Variants in SYTL5 observed in about 807,000 individuals in gnomAD.
SYTL5 encodes the protein synaptotagmin-like protein 5.
Under a neutral mutation model 55.9 loss-of-function variants are expected in SYTL5, and 34 were observed. The ratio of observed to expected loss-of-function variants is 0.61; its 90% CI spans 0.46 to 0.81. The LOEUF (loss-of-function observed/expected upper bound fraction) is 0.81. Among genes scored for constraint, SYTL5 ranks in the 30% least tolerant of loss-of-function variants. The pLI is 0.00. For synonymous variants in SYTL5, 221 were observed against 188.7 expected, an observed-to-expected ratio of 1.17 and a Z score of -1.40; for missense variants, 637 against 546.7, an observed-to-expected ratio of 1.17 and a Z score of -1.65.
chrX:37,922,978 A>G, the SYTL5 span, among the ~76,000 whole-genome samples: 1 of 112,198 alleles, frequency 8.9e-6, no homozygotes. Context: ...AACCCAGCTA[A>G]CAGAAAGTTG....
chrX:37,905,049 G>A, the SYTL5 span, among the ~76,000 whole-genome samples: 2 of 110,922 alleles, frequency 1.8e-5, no homozygotes, highest in African/African-American at 6.6e-5. Context: ...GAATTCCCAT[G>A]CCATGTTTGC....
At chrX:37,943,079 T>C in the SYTL5 span, among the ~76,000 whole-genome samples, 1 of 112,141 alleles carries the variant, frequency 8.9e-6, no homozygotes, top group Admixed American at 9.5e-5. Context: ...AAAAGAGCTA[T>C]CTACCTCTGA....
intron 6 of SYTL5, among the ~76,000 whole-genome samples, chrX:38,085,940 T>C (rs1014435468): frequency 9.0e-6 from 1 of 110,963 alleles, no homozygotes; most frequent in African/African-American, 3.3e-5. Flanking sequence ...CCTATTAACC[T>C]CAATAGGGAA....
chrX:37,940,493 A>AC, the SYTL5 span, among the ~76,000 whole-genome samples: 1 of 106,147 alleles, frequency 9.4e-6, no homozygotes, highest in African/African-American at 3.4e-5. Flanking sequence ...AAAAAAAAAA[A>AC]AAAATCAAGG....
At chrX:37,919,329 C>G in the SYTL5 span, among the ~76,000 whole-genome samples, 2 of 111,549 alleles carry the variant, frequency 1.8e-5, no homozygotes, top group Admixed American at 1.9e-4. Context: ...TTACGTTGGA[C>G]ACTATAAACA....
chrX:38,092,587 T>C (rs1413335413), intron 7 of SYTL5, among the ~76,000 whole-genome samples: 1 of 111,323 alleles, frequency 9.0e-6, no homozygotes, highest in Admixed American at 9.5e-5. Flanking sequence ...TTCCCTGTTC[T>C]TTCGTGTGCT....
chrX:37,938,724 A>G, the SYTL5 span, among the ~76,000 whole-genome samples: 1 of 111,384 alleles, frequency 9.0e-6, no homozygotes, highest in Non-Finnish European at 1.9e-5. Context: ...TTGTAATGCC[A>G]AAATGCTTTA....
chrX:37,963,753 A>G, the SYTL5 span, among the ~76,000 whole-genome samples: 1 of 111,863 alleles, frequency 8.9e-6, no homozygotes, highest in Non-Finnish European at 1.9e-5. Context: ...TGCTTTTGCT[A>G]GGATTCCAGT....
At chrX:38,007,838 G>A (rs1163092813) in intron 1 of SYTL5, among the ~76,000 whole-genome samples, 2 of 111,403 alleles carry the variant, frequency 1.8e-5, no homozygotes, top group African/African-American at 6.5e-5. Flanking sequence ...TAATAACTGA[G>A]AAAATGTCTT....
In SYTL5 at chrX:38,128,263, A is replaced by T. The variant is rs1372669417; in HGVS notation, c.*1533A>T. On this transcript the variant is annotated 3_prime_UTR_variant, in exon 17 of 17. Coordinates refer to ENST00000297875, the MANE Select transcript of SYTL5 (RefSeq NM_138780.3). The stretch of plus-strand genomic sequence containing the variant: ...TGACTAAATCTGGACTTAAATCCAG[A>T]CTATCAATCTTAGGCCAGTGTTCTT... 1 of 112,067 alleles carries T rather than the reference A, an allele frequency of 8.9e-6. No homozygotes were observed. The highest frequency in any genetic ancestry group is 3.2e-5 in the African/African-American group (1 of 30,838). The allele number at this position is 112,067 out of a possible 1,213,427, so 9.2% of individuals were successfully genotyped here.
At chrX:37,919,351 C>G in the SYTL5 span, among the ~76,000 whole-genome samples, 1 of 111,592 alleles carries the variant, frequency 9.0e-6, no homozygotes, top group South Asian at 3.8e-4. Context: ...GGAGTTTGAC[C>G]TCATTTCACG....
chrX:38,071,189 G>A (rs1936253366), intron 3 of SYTL5, among the ~76,000 whole-genome samples: 1 of 111,696 alleles, frequency 9.0e-6, no homozygotes, highest in African/African-American at 3.3e-5. Context: ...AAATGAGAGG[G>A]TAGAAATAAT....
the SYTL5 span, among the ~76,000 whole-genome samples, chrX:37,997,087 A>G: frequency 8.9e-6 from 1 of 112,761 alleles, no homozygotes; most frequent in Non-Finnish European, 1.9e-5. Context: ...GGCTACAGTT[A>G]GATAGAAATA....
chrX:37,983,216 A>AT, the SYTL5 span, among the ~76,000 whole-genome samples: 2 of 111,941 alleles, frequency 1.8e-5, no homozygotes, highest in Non-Finnish European at 3.8e-5. Context: ...CAAATGGATT[A>AT]AACAGTCCAA....
At chrX:37,966,912 C>A in the SYTL5 span, among the ~76,000 whole-genome samples, 2 of 111,797 alleles carry the variant, frequency 1.8e-5, no homozygotes, top group Non-Finnish European at 3.8e-5. Context: ...GTTTAGCAAC[C>A]TTTTATTTCA....
chrX:37,895,271 T>C, the SYTL5 span, among the ~76,000 whole-genome samples: 65 of 112,514 alleles, frequency 5.8e-4, no homozygotes, highest in African/African-American at 1.6e-3. Flanking sequence ...TTAATAATTG[T>C]ATGATCTTTG....
chrX:38,052,631 A>C (rs1297453820), intron 2 of SYTL5, among the ~76,000 whole-genome samples: 1 of 112,248 alleles, frequency 8.9e-6, no homozygotes, highest in East Asian at 2.8e-4. Context: ...ATAGCTTTAA[A>C]TATTCAACTG....
the SYTL5 span, among the ~76,000 whole-genome samples, chrX:37,983,412 T>C: frequency 8.9e-6 from 1 of 111,756 alleles, no homozygotes; most frequent in South Asian, 3.7e-4. Flanking sequence ...TATATTAAAA[T>C]AAAAAATGCT....
At chrX:37,988,378 G>C in the SYTL5 span, among the ~76,000 whole-genome samples, 1 of 111,933 alleles carries the variant, frequency 8.9e-6, no homozygotes. Context: ...CTCCAGGTTT[G>C]TAAGATACTA....
Sources: gnomAD v4.1 joint callset for allele counts (sites outside exome capture counted in the v4.1 genomes callset) on GRCh38, gnomAD v4.1.1 for gene constraint, MANE v1.5 for transcripts, NCBI Gene and HGNC (gene_info 2026-07-23, HGNC 2026-07-21) for gene names.